Variants in SLC6A5 observed in about 807,000 individuals in gnomAD.
SLC6A5 encodes solute carrier family 6 member 5.
Under a neutral mutation model 90.5 loss-of-function variants are expected in SLC6A5, and 58 were observed. That is an observed-to-expected ratio of 0.64 (90% CI 0.52 to 0.80). The LOEUF (loss-of-function observed/expected upper bound fraction) is 0.80, where lower values mean the gene tolerates loss of function less well. Ranked by LOEUF, SLC6A5 falls within the 30% of genes least tolerant of loss-of-function variation. The pLI is 0.00. For synonymous variants in SLC6A5, 427 were observed against 401.4 expected (o/e 1.06, Z -0.76); for missense variants, 1,015 against 1,017.6 (o/e 1.00, Z 0.03).
At position 20,617,872 on chromosome 11, in the gene SLC6A5, G is replaced by T. The variant is rs1404050208; in HGVS notation, c.1248G>T (p.Lys416Asn). ...IVYASLAKGI[K>N]TSGKVVYFTA... ...ATGCATCATTGGCTAAAGGAATCAA[G>T]ACTTCAGGAAAAGTAAGCACTTGGA... Residue 416 changes from lysine to asparagine, a missense_variant, in exon 7 of 16, where the codon AAG becomes AAT. By Grantham distance (94) the Lys-to-Asn change is moderately conservative. Transcript: ENST00000525748. The T allele has an allele frequency of 6.2e-7, 1 of 1,613,814 alleles. No individual in the cohort carries two copies. Among genetic ancestry groups the T allele is most frequent in the South Asian group, 1.1e-5 (1 of 91,076 alleles).
chr11:20,614,913 C>A, intron 6 of SLC6A5, 93 bp downstream of exon 6: 1 of 1,233,662 alleles, frequency 8.1e-7, no homozygotes. Flanking sequence ...GTGGGTAGCC[C>A]AAGGGATGAG....
chr11:20,614,666 C>T lies in SLC6A5; in HGVS notation c.986-13C>T, dbSNP rs767370542. 2 of 1,612,110 alleles carry T rather than the reference C, an allele frequency of 1.2e-6. No homozygotes were observed. Among genetic ancestry groups the T allele is most frequent in the African/African-American group, 1.3e-5 (1 of 74,996 alleles). ...GATTTAACTGTGTTTCTATTCTGTC[C>T]TCTCCTAAACAGATTCCTGTGTTAT... On this transcript the variant is annotated splice_polypyrimidine_tract_variant and intron_variant, in intron 5 of 15. Transcript: ENST00000525748.
At chr11:20,641,221 T>G (rs1397959197) in intron 13 of SLC6A5, among the ~76,000 whole-genome samples, 1 of 152,130 alleles carries the variant, frequency 6.6e-6, no homozygotes, top group Non-Finnish European at 1.5e-5. Flanking sequence ...GGAGAAACAA[T>G]GTGATTGAAC....
rs1852680142 is a variant in SLC6A5, at chr11:20,610,828, A to T, written c.985+3176A>T. On this transcript the variant is annotated intron_variant, in intron 5 of 15. Coordinates refer to ENST00000525748, the MANE Select transcript of SLC6A5 (RefSeq NM_004211.5). ...GTTCAGAGACGTTTTTAGTTGTTGC[A>T]GCTGGGTGGGCTCCTGGCATTTAGT... 1.3e-5 allele frequency among the ~76,000 whole-genome samples: 2 copies of T among 152,306 alleles called. 1 individual carries two copies. The highest frequency in any genetic ancestry group is 6.8e-3 in the Middle Eastern group (2 of 294).
intron 14 of SLC6A5, among the ~76,000 whole-genome samples, chr11:20,648,917 C>T (rs1853473111): frequency 6.6e-6 from 1 of 152,176 alleles, no homozygotes; most frequent in Non-Finnish European, 1.5e-5. Context: ...TCTCATTTTA[C>T]ACGTGTGTGC....
chr11:20,641,942 G>A (rs1208829682), intron 13 of SLC6A5, among the ~76,000 whole-genome samples: 1 of 152,024 alleles, frequency 6.6e-6, no homozygotes, highest in Non-Finnish European at 1.5e-5. Context: ...AAAATCCTTG[G>A]AGGTGGCATC....
Position 20,657,427 on chromosome 11 carries a change from A to G in SLC6A5, c.*2559A>G, listed in dbSNP as rs1853650758. The G allele has an allele frequency of 2.0e-5, 3 of 151,934 alleles. No homozygotes were observed. Among genetic ancestry groups the G allele is most frequent in the Admixed American group, 1.3e-4 (2 of 15,258 alleles). The allele number at this position is 151,934 out of a possible 1,614,324, so 9.4% of individuals were successfully genotyped here. On this transcript the variant is annotated 3_prime_UTR_variant, in exon 16 of 16. Coordinates refer to ENST00000525748, the MANE Select transcript of SLC6A5 (RefSeq NM_004211.5). ...ACCCCACTTCACTATAATTTCCAAG[A>G]TTTATTTCCCTTTGTTTAAAGGGAC...
intron 1 of SLC6A5, among the ~76,000 whole-genome samples, chr11:20,600,638 T>A (rs1272472637): frequency 6.6e-6 from 1 of 152,210 alleles, no homozygotes; most frequent in Non-Finnish European, 1.5e-5. Context: ...TCAACCAATT[T>A]GGCCTCAAGC....
rs770858199 is a variant in SLC6A5 at position 20,601,269 on chromosome 11, G to T, written c.144G>T (p.Pro48=). The change falls in exon 2 of 16, where the codon CCG becomes CCT. Residue 48 remains proline (P), a synonymous_variant. Transcript: ENST00000525748. The stretch of plus-strand genomic sequence containing the variant: ...TTCCCGCGGCTGCCGCCCCGCCGCC[G>T]CCACGTGTGCCCAGGTCCGCTTCCA... ...QELPAAAAPP[P]PRVPRSASTG... is the part of the protein sequence containing the mutation. 6.3e-7 allele frequency: 1 copy of T among 1,585,404 alleles called. No homozygotes were observed. Among genetic ancestry groups the T allele is most frequent in the Admixed American group, 1.7e-5 (1 of 58,030 alleles).
intron 14 of SLC6A5, among the ~76,000 whole-genome samples, chr11:20,650,931 G>A (rs1172713129): frequency 1.3e-5 from 2 of 152,026 alleles, no homozygotes; most frequent in Non-Finnish European, 2.9e-5. Context: ...CTCCCAAAGT[G>A]CTGGGATTAC....
intron 13 of SLC6A5, 81 bp from the exon 14 acceptor site, chr11:20,646,753 G>A (rs1278763764): frequency 2.2e-6 from 2 of 927,740 alleles, no homozygotes; most frequent in Non-Finnish European, 3.6e-6. Context: ...GCTTGAGTGA[G>A]GGGCTCTAGT....
intron 13 of SLC6A5, among the ~76,000 whole-genome samples, chr11:20,643,287 A>G (rs1853349412): frequency 1.3e-5 from 2 of 151,200 alleles, no homozygotes; most frequent in Non-Finnish European, 2.9e-5. Flanking sequence ...TATATTTTTG[A>G]GGGCCTCAGC....
At chr11:20,623,532 T>C (rs1852932747) in intron 7 of SLC6A5, among the ~76,000 whole-genome samples, 1 of 152,204 alleles carries the variant, frequency 6.6e-6, no homozygotes, top group Non-Finnish European at 1.5e-5. Context: ...AACCCTGCAG[T>C]ATTCTTGCTA....
intron 7 of SLC6A5, among the ~76,000 whole-genome samples, chr11:20,621,988 C>T (rs1050964804): frequency 6.6e-5 from 10 of 152,166 alleles, no homozygotes; most frequent in Non-Finnish European, 7.3e-5. Flanking sequence ...CTAATTAGCT[C>T]GTACAGGCTG....
chr11:20,638,018 A>G (rs1853242171), intron 12 of SLC6A5, among the ~76,000 whole-genome samples: 1 of 152,202 alleles, frequency 6.6e-6, no homozygotes, highest in Non-Finnish European at 1.5e-5. Flanking sequence ...AGACTTAAAG[A>G]TTGAGGTAGA....
intron 2 of SLC6A5, among the ~76,000 whole-genome samples, chr11:20,602,377 C>T (rs952273119): frequency 2.0e-5 from 3 of 152,166 alleles, no homozygotes; most frequent in South Asian, 2.1e-4. Context: ...CGTGAAAAAC[C>T]CACAGAGCAA....
In SLC6A5 at chr11:20,637,133, C is replaced by A. The variant is rs2000959; in HGVS notation, c.1738-39C>A. 0.33 allele frequency: 523,914 copies of A among 1,606,736 alleles called. 89,865 individuals carry two copies. The highest frequency in any genetic ancestry group is 0.51 in the Admixed American group (30,326 of 59,932). ...GCTTGGGGGTACCTCCTGGGTGGTA[C>A]AATTTGACTCAGATGTTCATTTCCT... On this transcript the variant is annotated intron_variant, in intron 11 of 15. Coordinates refer to ENST00000525748, the MANE Select transcript of SLC6A5 (RefSeq NM_004211.5).
At chr11:20,628,607 A>T (rs1181601791) in intron 9 of SLC6A5, among the ~76,000 whole-genome samples, 1 of 152,170 alleles carries the variant, frequency 6.6e-6, no homozygotes, top group Non-Finnish European at 1.5e-5. Flanking sequence ...CAAAATATGA[A>T]TTTGGTAGTG....
Position 20,607,158 on chromosome 11 carries a change from C to A in SLC6A5, c.811+20C>A. The A allele has an allele frequency of 1.3e-6, 2 of 1,592,098 alleles. No individual in the cohort carries two copies. The highest frequency in any genetic ancestry group is 1.1e-5 in the South Asian group (1 of 88,386). Reference sequence around the variant, plus strand: ...TACAAGGTGAGTCCAGCCTGCCGCTCAGCCTCCTCAGGCCCTTTCTTACTC... The same window carrying A: ...TACAAGGTGAGTCCAGCCTGCCGCTAAGCCTCCTCAGGCCCTTTCTTACTC... On this transcript the variant is annotated intron_variant, in intron 4 of 15. Transcript: ENST00000525748.
Sources: gnomAD v4.1 joint callset for allele counts (sites outside exome capture counted in the v4.1 genomes callset) on GRCh38, gnomAD v4.1.1 for gene constraint, MANE v1.5 for transcripts, NCBI Gene and HGNC (gene_info 2026-07-23, HGNC 2026-07-21) for gene names.